Variants in CEP85L observed in about 807,000 individuals in gnomAD.
The protein encoded by CEP85L is centrosomal protein 85L.
In CEP85L, 60 loss-of-function variants were observed where a neutral mutation model predicts 100.3. That is an observed-to-expected ratio of 0.60 (90% CI 0.49 to 0.74). The LOEUF is 0.74. Among genes scored for constraint, CEP85L ranks in the 30% least tolerant of loss-of-function variants. The pLI is 0.00. For synonymous variants in CEP85L, 319 were observed against 322.7 expected, an observed-to-expected ratio of 0.99 and a Z score of 0.12; for missense variants, 973 against 936.2, an observed-to-expected ratio of 1.04 and a Z score of -0.51.
In CEP85L at chr6:118,640,605, A is replaced by G. The variant is rs1774799159; in HGVS notation, c.74-7994T>C. On this transcript the variant is annotated intron_variant, in intron 1 of 12. Coordinates refer to ENST00000368491, the MANE Select transcript of CEP85L (RefSeq NM_001042475.3). ...AGTAGTGCAGTCTCGGCTCACTGCA[A>G]CATTCATCCCCCAGGTTCAAGAGAT... 2.0e-5 allele frequency among the ~76,000 whole-genome samples: 3 copies of G among 152,156 alleles called. No homozygotes were observed. The South Asian group carries it at 6.2e-4, about 32-fold the overall frequency.
chr6:118,462,449 A>G lies in CEP85L; in HGVS notation c.*2956T>C, dbSNP rs1397303924. 1 of 151,974 alleles carries G rather than the reference A, an allele frequency of 6.6e-6. No individual in the cohort carries two copies. The highest frequency in any genetic ancestry group is 6.6e-5 in the Admixed American group (1 of 15,246). 9.4% of individuals were successfully genotyped at this position (151,974 alleles called of 1,614,324 possible). ...TACAGGCAATTTGGGTCTTTCATTG[A>G]GTCAACTGTTACTTTATGCTTGCTG... On this transcript the variant is annotated 3_prime_UTR_variant, in exon 13 of 13. Coordinates refer to ENST00000368491, the MANE Select transcript of CEP85L (RefSeq NM_001042475.3).
At chr6:118,650,898 G>A (rs1315300382) in intron 1 of CEP85L, among the ~76,000 whole-genome samples, 1 of 152,208 alleles carries the variant, frequency 6.6e-6, no homozygotes, top group East Asian at 1.9e-4. Context: ...GAAAAAACCG[G>A]GCAGACAATA....
intron 2 of CEP85L, among the ~76,000 whole-genome samples, chr6:118,587,103 C>T (rs886518743): frequency 6.6e-6 from 1 of 152,186 alleles, no homozygotes; most frequent in Non-Finnish European, 1.5e-5. Context: ...ATTGTTGGGT[C>T]TGTCCTAAGT....
intron 1 of CEP85L, among the ~76,000 whole-genome samples, chr6:118,672,884 G>A (rs866753497): frequency 6.6e-6 from 1 of 151,870 alleles, no homozygotes; most frequent in Non-Finnish European, 1.5e-5. Flanking sequence ...CAATGACAAC[G>A]AAGAAGAAGA....
Position 118,676,447 on chromosome 6 carries a change from T to C in CEP85L, c.-27-23639A>G, listed in dbSNP as rs556482881. Among the ~76,000 whole-genome samples the C allele has an allele frequency of 2.0e-5, 3 of 152,334 alleles. No homozygotes were observed. The South Asian group carries it at 6.2e-4, about 32-fold the overall frequency. On this transcript the variant is annotated intron_variant, in intron 1 of 13. Coordinates refer to the CEP85L transcript ENST00000368488. ...ATTGACTTCATGCAATATTTGTCTT[T>C]CTGTGCCTGGCTTATTTTACTTAGC... is the stretch of plus-strand genomic sequence containing the variant.
intron 3 of CEP85L, among the ~76,000 whole-genome samples, chr6:118,550,684 C>G (rs1778489759): frequency 1.3e-5 from 2 of 151,972 alleles, no homozygotes; most frequent in Admixed American, 1.3e-4. Flanking sequence ...TGCACATCCT[C>G]TATATACTGA....
intron 1 of CEP85L, among the ~76,000 whole-genome samples, chr6:118,670,198 T>C (rs1294007310): frequency 1.3e-5 from 2 of 151,434 alleles, no homozygotes; most frequent in East Asian, 3.9e-4. Context: ...CTGAAGTTAG[T>C]AGATGTGATG....
intron 2 of CEP85L, among the ~76,000 whole-genome samples, chr6:118,611,815 A>G (rs976926354): frequency 6.6e-6 from 1 of 152,222 alleles, no homozygotes; most frequent in African/African-American, 2.4e-5. Flanking sequence ...GCAATTCTAA[A>G]TGTCTACACA....
chr6:118,473,256 C>G (rs1773100180), intron 10 of CEP85L, among the ~76,000 whole-genome samples: 1 of 152,064 alleles, frequency 6.6e-6, no homozygotes, highest in Non-Finnish European at 1.5e-5. Flanking sequence ...AATAAATATG[C>G]AAGTTACACA....
chr6:118,472,802 C>G (rs754365592), intron 10 of CEP85L, among the ~76,000 whole-genome samples: 1 of 152,150 alleles, frequency 6.6e-6, no homozygotes, highest in African/African-American at 2.4e-5. Flanking sequence ...CAAACACCTA[C>G]AACAGCTCTC....
intron 2 of CEP85L, among the ~76,000 whole-genome samples, chr6:118,570,558 A>G (rs1211863766): frequency 6.6e-6 from 1 of 152,156 alleles, no homozygotes; most frequent in Non-Finnish European, 1.5e-5. Context: ...CTGTCCATAG[A>G]CTATGATACT....
chr6:118,691,813 T>C (rs1046415420), intron 1 of CEP85L, among the ~76,000 whole-genome samples: 12 of 152,184 alleles, frequency 7.9e-5, no homozygotes, highest in Non-Finnish European at 1.6e-4. Context: ...GCAAACAAGA[T>C]CTGTCTTTTC....
chr6:118,652,533 G>C, upstream of CEP85L: 1 of 1,397,326 alleles, frequency 7.2e-7, no homozygotes. Context: ...AAGTCGGAAC[G>C]CAGGTCGCTT....
In CEP85L at chr6:118,629,966, T is replaced by G. The variant is rs1266259348; in HGVS notation, c.232+2487A>C. ...CACACCCCCTCCTGTTTTTATAGTT[T>G]CAACATGACAACTATTTTAGGCCAC... On this transcript the variant is annotated intron_variant, in intron 2 of 12. Transcript: ENST00000368491. Among the ~76,000 whole-genome samples the G allele has an allele frequency of 3.9e-5, 6 of 152,322 alleles. No individual in the cohort carries two copies. The East Asian group carries it at 1.2e-3, about 29-fold the overall frequency.
At chr6:118,501,783 G>A (rs772897125) in intron 5 of CEP85L, 11 of 1,021,182 alleles carry the variant, frequency 1.1e-5, no homozygotes, top group Non-Finnish European at 1.5e-5. Context: ...ACATCTCACA[G>A]AGTGGGGAGG....
chr6:118,564,148 G>A (rs1372351572), intron 3 of CEP85L, among the ~76,000 whole-genome samples: 8 of 150,626 alleles, frequency 5.3e-5, no homozygotes, highest in Admixed American at 1.3e-4. Context: ...TTGCTTTGAG[G>A]CTAAGAAAAA....
chr6:118,480,649 T>A, intron 8 of CEP85L, 136 bp from the exon 9 acceptor site: 1 of 574,850 alleles, frequency 1.7e-6, no homozygotes, highest in Non-Finnish European at 3.1e-6. Context: ...ACAGACAGTA[T>A]ATGAAAAACT....
chr6:118,703,870 A>G (rs1777509016), intron 1 of CEP85L, among the ~76,000 whole-genome samples: 1 of 152,218 alleles, frequency 6.6e-6, no homozygotes, highest in Non-Finnish European at 1.5e-5. Flanking sequence ...CTCATTATTA[A>G]TATGTACATC....
At chr6:118,581,536 T>C (rs1780577410) in intron 2 of CEP85L, among the ~76,000 whole-genome samples, 1 of 151,910 alleles carries the variant, frequency 6.6e-6, no homozygotes, top group African/African-American at 2.4e-5. Context: ...AAAAGTCTAG[T>C]TTCTCTGGTG....
Sources: gnomAD v4.1 joint callset for allele counts (sites outside exome capture counted in the v4.1 genomes callset) on GRCh38, gnomAD v4.1.1 for gene constraint, MANE v1.5 for transcripts, NCBI Gene and HGNC (gene_info 2026-07-23, HGNC 2026-07-21) for gene names.